The following GART variants were observed in gnomAD, a reference collection of about 807,000 sequenced individuals.
The protein encoded by GART is phosphoribosylglycinamide formyltransferase, phosphoribosylglycinamide synthetase, phosphoribosylaminoimidazole synthetase, also known as trifunctional purine biosynthetic protein adenosine-3.
Under a neutral mutation model 107.2 loss-of-function variants are expected in GART, and 43 were observed. The observed-to-expected ratio is 0.40, with a 90% CI of 0.31 to 0.52. GART has a LOEUF of 0.52. Ranked by LOEUF, GART falls within the 20% of genes least tolerant of loss-of-function variation. The pLI is 0.52. For synonymous variants in GART, 434 were observed against 427.0 expected (o/e 1.02, Z -0.20); for missense variants, 1,107 against 1,206.5 (o/e 0.92, Z 1.22).
chr21:33,535,100 G>T, intron 3 of GART, 125 bp downstream of exon 3: 1 of 623,578 alleles, frequency 1.6e-6, no homozygotes. Context: ...TAAATTTCGA[G>T]AGTGGAAGCT....
At position 33,524,771 on chromosome 21, in the gene GART, G is replaced by C; in HGVS notation, c.1296C>G (p.Pro432=). 3.1e-6 allele frequency: 5 copies of C among 1,614,164 alleles called. No homozygotes were observed. The highest frequency in any genetic ancestry group is 4.2e-6 in the Non-Finnish European group (5 of 1,180,020). The change falls in exon 11 of 22, where the codon CCC becomes CCG. Residue 432 remains proline (P), a splice_region_variant and synonymous_variant. Coordinates refer to ENST00000381815, the MANE Select transcript of GART (RefSeq NM_000819.5). ...GFRAIAFLQQ[P]RSLTYKESGV... ...AGCTAACTTGCTTAGAGTTTTACCT[G>C]GGCTGCTGGAGGAAAGCTATGGCAC...
chr21:33,507,983 A>G (rs1056139255), intron 18 of GART, among the ~76,000 whole-genome samples: 1 of 152,168 alleles, frequency 6.6e-6, no homozygotes, highest in African/African-American at 2.4e-5. Context: ...GATCTCATGT[A>G]CCCTATAAAT....
At chr21:33,530,610 GAA>G in intron 7 of GART, 147 bp downstream of exon 7, 1 of 819,126 alleles carries the variant, frequency 1.2e-6, no homozygotes, top group Non-Finnish European at 1.7e-6. Flanking sequence ...TTAGAGACCA[GAA>G]AAGATACTCC....
intron 16 of GART, among the ~76,000 whole-genome samples, chr21:33,514,249 C>CAA (rs1052559248): frequency 1.4e-4 from 21 of 152,128 alleles, no homozygotes; most frequent in Admixed American, 5.9e-4. Context: ...GTTGGGGCGA[C>CAA]AGAGTGATAC....
At chr21:33,534,834 T>C (rs2085273964) in intron 3 of GART, 81 bp from the exon 4 acceptor site, 1 of 1,233,250 alleles carries the variant, frequency 8.1e-7, no homozygotes. Context: ...AGTATCAGAC[T>C]ATATCTACAT....
intron 17 of GART, 106 bp from the exon 18 acceptor site, chr21:33,510,026 A>T: frequency 1.0e-6 from 1 of 998,614 alleles, no homozygotes. Context: ...TTTTATCCTG[A>T]AAATAAGATA....
chr21:33,533,371 G>A (rs374960182), intron 4 of GART, among the ~76,000 whole-genome samples: 15 of 151,260 alleles, frequency 9.9e-5, no homozygotes, highest in Middle Eastern at 3.4e-3. Flanking sequence ...CCTGGGAGGC[G>A]GAGCTTGCAG....
intron 1 of GART, among the ~76,000 whole-genome samples, chr21:33,540,516 T>C (rs192968722): frequency 2.0e-4 from 31 of 152,320 alleles, no homozygotes; most frequent in Admixed American, 2.0e-3. Flanking sequence ...TGCTAGAATA[T>C]TGGTAGAGAA....
At chr21:33,527,210 G>T (rs1003719411) in intron 10 of GART, among the ~76,000 whole-genome samples, 2 of 152,094 alleles carry the variant, frequency 1.3e-5, no homozygotes, top group African/African-American at 4.8e-5. Flanking sequence ...CAGTTTATGG[G>T]GTTGTTGAAT....
chr21:33,529,261 T>G lies in GART; in HGVS notation c.724-324A>C, dbSNP rs553056058. 5.4e-4 allele frequency among the ~76,000 whole-genome samples: 82 copies of G among 152,316 alleles called. 1 individual carries two copies. Among genetic ancestry groups the G allele is most frequent in the Non-Finnish European group, 9.4e-4 (64 of 68,030 alleles). On this transcript the variant is annotated intron_variant, in intron 7 of 21. Coordinates refer to ENST00000381815, the MANE Select transcript of GART (RefSeq NM_000819.5). ...CTCTTCCCAGTATACGCTGCATATT[T>G]CATAAGTCTATATATGTAAGATTCT... is the stretch of plus-strand genomic sequence containing the variant.
At position 33,528,923 on chromosome 21, in the gene GART, T is replaced by G. The variant is rs753557875; in HGVS notation, c.738A>C (p.Leu246=). 1 of 1,610,642 alleles carries G rather than the reference T, an allele frequency of 6.2e-7. No homozygotes were observed. Among genetic ancestry groups the G allele is most frequent in the Non-Finnish European group, 8.5e-7 (1 of 1,177,032 alleles). ...YCPAPQVSND[L]LLKIKDTVLQ... ...GAACAGTATCTTTAATTTTTAGTAA[T>G]AGATCATTAGAAACCTGGAGAACGT... The change falls in exon 8 of 22, where the codon CTA becomes CTC. Residue 246 remains leucine (L), a synonymous_variant. Coordinates refer to ENST00000381815, the MANE Select transcript of GART (RefSeq NM_000819.5).
Position 33,532,476 on chromosome 21 carries a change from G to C in GART, c.417-20C>G, listed in dbSNP as rs778915265. ...TCTGCACTGTAAAGACAGAGTAATC[G>C]TCAACATCCAATAAACCATTACAAC... On this transcript the variant is annotated intron_variant, in intron 4 of 21. Transcript: ENST00000381815. 7 of 1,545,092 alleles carry C rather than the reference G, an allele frequency of 4.5e-6. No individual in the cohort carries two copies. The highest frequency in any genetic ancestry group is 6.3e-6 in the Non-Finnish European group (7 of 1,118,990).
intron 11 of GART, chr21:33,524,130 G>A (rs1000074185): frequency 2.0e-6 from 2 of 985,194 alleles, no homozygotes; most frequent in African/African-American, 3.5e-5. Flanking sequence ...AAATGAGACT[G>A]TCAAACTTTA....
Position 33,539,366 on chromosome 21 carries a change from G to T in GART, c.-41-10C>A, listed in dbSNP as rs371154336. On this transcript the variant is annotated splice_polypyrimidine_tract_variant and intron_variant, in intron 1 of 21. Transcript: ENST00000381815. ...CAAAGGAAAATGAAACCTGCAGAAA[G>T]AAAACCACAGTTTATATCTTAGGAT... The T allele has an allele frequency of 7.6e-6, 12 of 1,582,752 alleles. No homozygotes were observed. The highest frequency in any genetic ancestry group is 1.9e-5 in the Admixed American group (1 of 53,498).
At position 33,534,643 on chromosome 21, in the gene GART, C is replaced by T; in HGVS notation, c.352G>A (p.Gly118Arg). 6.2e-7 allele frequency: 1 copy of T among 1,614,138 alleles called. No homozygotes were observed. Among genetic ancestry groups the T allele is most frequent in the South Asian group, 1.1e-5 (1 of 91,084 alleles). The change falls in exon 4 of 22, where the codon GGA becomes AGA. Residue 118 changes from glycine to arginine, a missense_variant. Coordinates refer to ENST00000381815, the MANE Select transcript of GART (RefSeq NM_000819.5). Reference sequence around the variant, plus strand: ...GCCTTCCATTGTGCGGTTGGGATTCCATGTCTGTCCATAAACTCTTTGGCA... The same window carrying T: ...GCCTTCCATTGTGCGGTTGGGATTCTATGTCTGTCCATAAACTCTTTGGCA... Reference protein sequence around the residue: ...RFAKEFMDRHGIPTAQWKAFT... With the variant: ...RFAKEFMDRHRIPTAQWKAFT...
chr21:33,520,605 CA>C (rs1433414784), intron 13 of GART, 43 bp from the exon 14 acceptor site: 2 of 1,531,212 alleles, frequency 1.3e-6, no homozygotes, highest in African/African-American at 2.7e-5. Flanking sequence ...GGAATAAGTT[CA>C]AAATTGTATC....
chr21:33,528,093 G>T, intron 10 of GART, 74 bp downstream of exon 10: 1 of 1,394,214 alleles, frequency 7.2e-7, no homozygotes, highest in Non-Finnish European at 1.0e-6. Context: ...GCAAGCCTTA[G>T]TGTGAGAGGG....
Position 33,530,848 on chromosome 21 carries a change from TG to T in GART, c.633del (p.Met212CysfsTer37), listed in dbSNP as rs2145743699. The T allele has an allele frequency of 6.5e-7, 1 of 1,531,208 alleles. No individual in the cohort carries two copies. 94.9% of individuals were successfully genotyped at this position (1,531,208 alleles called of 1,614,324 possible). On this transcript the variant is annotated frameshift_variant, in exon 7 of 22. Transcript: ENST00000381815. LOFTEE classifies it high-confidence loss of function. ...LCFTDGKTVA[P>X]MPPAQDHKRL... ...CGCTTATGGTCCTGTGCTGGGGGCA[TG>T]GGGGCCACAGTCTTGCCATCAGTGA...
In GART at chr21:33,520,417, G is replaced by A. The variant is rs147558295; in HGVS notation, c.1649C>T (p.Ala550Val). ...CGKLDLSVTE[A>V]VVAGIAKACG... ...AGCTTTAGCAATTCCAGCAACAACA[G>A]CTTCAGTTACACTGAGGTCAAGTTT... Residue 550 changes from alanine (A) to valine (V), a missense_variant, in exon 14 of 22, where the codon GCT (alanine) becomes GTT (valine). Physicochemically the swap from Ala to Val is moderately conservative, Grantham distance 64. Transcript: ENST00000381815. 444 of 1,614,122 alleles carry A rather than the reference G, an allele frequency of 2.8e-4. No individual in the cohort carries two copies. Among genetic ancestry groups the A allele is most frequent in the Middle Eastern group, 1.2e-3 (7 of 6,062 alleles).
Sources: gnomAD v4.1 joint callset for allele counts (sites outside exome capture counted in the v4.1 genomes callset) on GRCh38, gnomAD v4.1.1 for gene constraint, MANE v1.5 for transcripts, NCBI Gene and HGNC (gene_info 2026-07-23, HGNC 2026-07-21) for gene names.